CFHR3: variants seen among roughly 807,000 people sequenced by gnomAD.
CFHR3 encodes complement factor H related 3, also known as complement factor H-related protein 3.
In CFHR3, 22 loss-of-function variants were observed where a neutral mutation model predicts 36.0. That is an observed-to-expected ratio of 0.61 (90% CI 0.44 to 0.87). The LOEUF (loss-of-function observed/expected upper bound fraction) is 0.87, where lower values mean the gene tolerates loss of function less well. Among genes scored for constraint, CFHR3 ranks in the 40% least tolerant of loss-of-function variants. CFHR3 has a pLI of 0.00. For synonymous variants in CFHR3, 97 were observed against 137.4 expected, an observed-to-expected ratio of 0.71 and a Z score of 2.06; for missense variants, 276 against 401.3, an observed-to-expected ratio of 0.69 and a Z score of 2.67.
intron 3 of CFHR3, among the ~76,000 whole-genome samples, chr1:196,786,472 T>C (rs1460282415): frequency 1.5e-5 from 2 of 135,818 alleles, no homozygotes; most frequent in Non-Finnish European, 3.1e-5. Context: ...TCGAGCTTCC[T>C]GGCTGCTTTG....
chr1:196,788,523 C>G (rs913240333), intron 4 of CFHR3, 125 bp downstream of exon 4: 2 of 1,346,064 alleles, frequency 1.5e-6, no homozygotes, highest in African/African-American at 1.9e-5. Flanking sequence ...ACTTCTAAAA[C>G]CATTCAACAT....
At chr1:196,793,039 A>G (rs1240895505) in intron 5 of CFHR3, among the ~76,000 whole-genome samples, 1 of 135,266 alleles carries the variant, frequency 7.4e-6, no homozygotes, top group East Asian at 2.0e-4. Context: ...GGGTGGACAC[A>G]ACATATTTTA....
At chr1:196,789,803 A>T in intron 4 of CFHR3, 2 of 1,230,368 alleles carry the variant, frequency 1.6e-6, no homozygotes, top group Non-Finnish European at 2.1e-6. Context: ...TAAATAAAAT[A>T]ATAAATAGAC....
chr1:196,794,577 T>A lies in CFHR3; in HGVS notation c.*1064T>A, dbSNP rs481759. The A allele has an allele frequency of 2.7e-6, 1 of 373,024 alleles. No individual in the cohort carries two copies. The highest frequency in any genetic ancestry group is 2.9e-5 in the African/African-American group (1 of 34,174). The allele number at this position is 373,024 out of a possible 1,614,324, so 23.1% of individuals were successfully genotyped here. Reference sequence around the variant, plus strand: ...TACAAATATTTTGAAAGTTTCTTCATATATGGTTTTTTGCATTTCTTATTA... The same window carrying A: ...TACAAATATTTTGAAAGTTTCTTCAAATATGGTTTTTTGCATTTCTTATTA... On this transcript the variant is annotated 3_prime_UTR_variant, in exon 6 of 6. Transcript: ENST00000367425.
At position 196,793,363 on chromosome 1, in the gene CFHR3, G is replaced by C; in HGVS notation, c.843G>C (p.Lys281Asn). 1 of 1,522,198 alleles carries C rather than the reference G, an allele frequency of 6.6e-7. No individual in the cohort carries two copies. Among genetic ancestry groups the C allele is most frequent in the Middle Eastern group, 1.9e-4 (1 of 5,286 alleles). The allele number at this position is 1,522,198 out of a possible 1,614,324, so 94.3% of individuals were successfully genotyped here. A position where few individuals can be genotyped will look rare whatever the true frequency, so the allele number is the denominator to read the frequency against. ...AAAACATGAATAAAAATAACATAAA[G>C]TTAAAAGGAAGAAGTGACAGAAAAT... ...TEENMNKNNI[K>N]LKGRSDRKYY... Residue 281 changes from lysine (K) to asparagine (N), a missense_variant, in exon 6 of 6, where the codon AAG (lysine) becomes AAC (asparagine). Physicochemically the swap from Lys to Asn is moderately conservative, Grantham distance 94 (BLOSUM62 0). Coordinates refer to ENST00000367425, the MANE Select transcript of CFHR3 (RefSeq NM_021023.6).
chr1:196,776,735 C>T (rs1653736884), intron 1 of CFHR3, among the ~76,000 whole-genome samples: 1 of 135,906 alleles, frequency 7.4e-6, no homozygotes, highest in Non-Finnish European at 1.6e-5. Context: ...ATCAGTAGTA[C>T]TTTGTTATGG....
At position 196,786,455 on chromosome 1, in the gene CFHR3, A is replaced by G. The variant is rs1283198358; in HGVS notation, c.431-1761A>G. 7.4e-5 allele frequency among the ~76,000 whole-genome samples: 10 copies of G among 135,546 alleles called. 2 individuals carry two copies. Among genetic ancestry groups the G allele is most frequent in the Non-Finnish European group, 1.2e-4 (8 of 64,112 alleles). The allele number at this position is 135,546 out of a possible 152,430, so 88.9% of individuals were successfully genotyped here. Reference sequence around the variant, plus strand: ...GCCTCCTTGAGCTGTGGTGGGCTCCACCCAGTTCGAGCTTCCTGGCTGCTT... The same window carrying G: ...GCCTCCTTGAGCTGTGGTGGGCTCCGCCCAGTTCGAGCTTCCTGGCTGCTT... On this transcript the variant is annotated intron_variant, in intron 3 of 5. Transcript: ENST00000367425.
intron 3 of CFHR3, among the ~76,000 whole-genome samples, chr1:196,781,529 G>T (rs1653947692): frequency 7.4e-6 from 1 of 135,492 alleles, no homozygotes; most frequent in Non-Finnish European, 1.6e-5. Flanking sequence ...TTGTGGTTTT[G>T]ATTTGCATTT....
Position 196,775,130 on chromosome 1 carries a change from TAAAG to T in CFHR3, c.58+190_58+193del, listed in dbSNP as rs1274381377. Among the ~76,000 whole-genome samples the T allele has an allele frequency of 8.7e-5, 12 of 137,544 alleles. 3 individuals carry two copies. Among genetic ancestry groups the T allele is most frequent in the African/African-American group, 3.6e-4 (12 of 33,394 alleles). The allele number at this position is 137,544 out of a possible 152,430, so 90.2% of individuals were successfully genotyped here. On this transcript the variant is annotated intron_variant, in intron 1 of 5. Transcript: ENST00000367425. ...TATAAAAAATTATCTCATTTTAACT[TAAAG>T]AAAAAATGAATAATGTTTTATTTGT...
rs1369781952 is a variant in CFHR3, at chr1:196,786,683, C to A, written c.431-1533C>A. Reference sequence around the variant, plus strand: ...AAGCGCAGTATTAGGGTGGGAGTGACCCGATTTTCCAGGTGCCGTGTGTCA... The same window carrying A: ...AAGCGCAGTATTAGGGTGGGAGTGAACCGATTTTCCAGGTGCCGTGTGTCA... On this transcript the variant is annotated intron_variant, in intron 3 of 5. Transcript: ENST00000367425. 2.9e-5 allele frequency among the ~76,000 whole-genome samples: 4 copies of A among 136,530 alleles called. 1 individual carries two copies. The highest frequency in any genetic ancestry group is 6.2e-5 in the Non-Finnish European group (4 of 64,438). 89.6% of individuals were successfully genotyped at this position (136,530 alleles called of 152,430 possible).
chr1:196,786,261 C>G (rs12410569), intron 3 of CFHR3, among the ~76,000 whole-genome samples: 37,729 of 134,980 alleles, frequency 0.28, 10,626 homozygotes, highest in East Asian at 0.5. Context: ...GGTCAGCGAC[C>G]AACTTGAGGA....
intron 3 of CFHR3, 123 bp downstream of exon 3, chr1:196,780,096 C>A: frequency 7.8e-7 from 1 of 1,275,306 alleles, no homozygotes; most frequent in Non-Finnish European, 1.1e-6. Context: ...TGCCAACGGA[C>A]CTATTTAGTT....
In CFHR3 at chr1:196,778,471, G is replaced by A. The variant is rs1458471324; in HGVS notation, c.59-691G>A. 1.5e-5 allele frequency among the ~76,000 whole-genome samples: 2 copies of A among 136,226 alleles called. 1 individual carries two copies. The allele number at this position is 136,226 out of a possible 152,430, so 89.4% of individuals were successfully genotyped here. On this transcript the variant is annotated intron_variant, in intron 1 of 5. Coordinates refer to ENST00000367425, the MANE Select transcript of CFHR3 (RefSeq NM_021023.6). ...ATTATAGAAGAAACATAAATTATAT[G>A]CTATTTAAATTATGGTATTGGTCAA...
rs529373847 is a variant in CFHR3 at position 196,791,984 on chromosome 1, C to T, written c.797-1333C>T. Among the ~76,000 whole-genome samples, 43 of 133,824 alleles carry T rather than the reference C, an allele frequency of 3.2e-4. 12 individuals are homozygous for T. The highest frequency in any genetic ancestry group is 1.4e-3 in the African/African-American group (43 of 31,226). The allele number at this position is 133,824 out of a possible 152,430, so 87.8% of individuals were successfully genotyped here. A position where few individuals can be genotyped will look rare whatever the true frequency, so the allele number is the denominator to read the frequency against. On this transcript the variant is annotated intron_variant, in intron 5 of 5. Coordinates refer to ENST00000367425, the MANE Select transcript of CFHR3 (RefSeq NM_021023.6). ...TCTTCAAAACTAAAGAAGCAAAGAG[C>T]ATTCAAGCACAGAATTCTAGGGAAA...
Position 196,793,364 on chromosome 1 carries a change from T to G in CFHR3, c.844T>G (p.Leu282Val), listed in dbSNP as rs765053679. The G allele has an allele frequency of 2.6e-6, 4 of 1,522,336 alleles. No individual in the cohort carries two copies. In the Admixed American group the frequency reaches 5.2e-5, roughly 20 times the overall value. 94.3% of individuals were successfully genotyped at this position (1,522,336 alleles called of 1,614,324 possible). ...AAACATGAATAAAAATAACATAAAG[T>G]TAAAAGGAAGAAGTGACAGAAAATA... ...EENMNKNNIK[L>V]KGRSDRKYYA... is the part of the protein sequence containing the mutation. The change falls in exon 6 of 6, where the codon TTA (leucine) becomes GTA (valine). Residue 282 changes from leucine to valine, a missense_variant. Physicochemically the swap from Leu to Val is conservative, Grantham distance 32 (BLOSUM62 1). Around this residue, in one of 3 missense-constraint regions of CFHR3, gnomAD observed 76 missense variants for 79.8 expected, o/e 0.95. Transcript: ENST00000367425.
At position 196,790,100 on chromosome 1, in the gene CFHR3, C is replaced by G. The variant is rs747687410; in HGVS notation, c.669C>G (p.Ser223=). 1 of 1,371,390 alleles carries G rather than the reference C, an allele frequency of 7.3e-7. No individual in the cohort carries two copies. The allele number at this position is 1,371,390 out of a possible 1,614,324, so 85.0% of individuals were successfully genotyped here. A position where few individuals can be genotyped will look rare whatever the true frequency, so the allele number is the denominator to read the frequency against. The change falls in exon 5 of 6, where the codon TCC becomes TCG. Residue 223 remains serine (S), a synonymous_variant. Coordinates refer to ENST00000367425, the MANE Select transcript of CFHR3 (RefSeq NM_021023.6). The part of the protein sequence containing the change: ...PPPISNGDTT[S]FLLKVYVPQS... ...CTATTAGCAATGGTGATACCACCTC[C>G]TTTCTACTAAAAGTGTATGTGCCAC... is the stretch of plus-strand genomic sequence containing the variant.
intron 5 of CFHR3, among the ~76,000 whole-genome samples, chr1:196,792,399 A>G (rs1654454021): frequency 9.0e-6 from 1 of 111,068 alleles, no homozygotes; most frequent in Non-Finnish European, 1.7e-5. Flanking sequence ...GCTATGTAAG[A>G]ACTGACATTT....
rs1457628101 is a variant in CFHR3, at chr1:196,785,453, G to A, written c.431-2763G>A. On this transcript the variant is annotated intron_variant, in intron 3 of 5. Coordinates refer to ENST00000367425, the MANE Select transcript of CFHR3 (RefSeq NM_021023.6). Reference sequence around the variant, plus strand: ...CTTTCAGGTACACCAATCAGATGTAGATTTGGTCTTTTCACATAGTCCCAT... The same window carrying A: ...CTTTCAGGTACACCAATCAGATGTAAATTTGGTCTTTTCACATAGTCCCAT... 5.9e-5 allele frequency among the ~76,000 whole-genome samples: 8 copies of A among 134,984 alleles called. 3 individuals carry two copies. Among genetic ancestry groups the A allele is most frequent in the African/African-American group, 2.5e-4 (8 of 31,668 alleles). 88.6% of individuals were successfully genotyped at this position (134,984 alleles called of 152,430 possible). A position where few individuals can be genotyped will look rare whatever the true frequency, so the allele number is the denominator to read the frequency against.
rs1400035396 is a variant in CFHR3 at position 196,790,687 on chromosome 1, GC to G, written c.796+463del. Among the ~76,000 whole-genome samples, 11 of 132,734 alleles carry G rather than the reference GC, an allele frequency of 8.3e-5. 2 individuals carry two copies. The highest frequency in any genetic ancestry group is 3.2e-4 in the African/African-American group (10 of 31,178). 87.1% of individuals were successfully genotyped at this position (132,734 alleles called of 152,430 possible). A position where few individuals can be genotyped will look rare whatever the true frequency, so the allele number is the denominator to read the frequency against. ...TGCAGTGAGTGGAGATTGCACCATTGCCCTCCAGCCTGGGCGACAGAGGGAG... is the reference window on the plus strand; with the variant it reads ...TGCAGTGAGTGGAGATTGCACCATTGCCTCCAGCCTGGGCGACAGAGGGAG... On this transcript the variant is annotated intron_variant, in intron 5 of 5. Coordinates refer to ENST00000367425, the MANE Select transcript of CFHR3 (RefSeq NM_021023.6).
Sources: gnomAD v4.1 joint callset for allele counts (sites outside exome capture counted in the v4.1 genomes callset) on GRCh38, gnomAD v4.1.1 for gene constraint, gnomAD v4.1.1 regional missense constraint, MANE v1.5 for transcripts, NCBI Gene and HGNC (gene_info 2026-07-23, HGNC 2026-07-21) for gene names.